Variants in DLGAP2 observed in about 807,000 individuals in gnomAD.
The protein encoded by DLGAP2 is disks large-associated protein 2.
DLGAP2 carries 26 observed loss-of-function variants against 100.3 expected under a neutral mutation model. The ratio of observed to expected loss-of-function variants is 0.26; its 90% confidence interval spans 0.19 to 0.36. DLGAP2 has a LOEUF of 0.36. DLGAP2 is among the 10% of genes least tolerant of loss of function. The pLI is 1.00. For synonymous variants in DLGAP2, 886 were observed against 630.1 expected (o/e 1.41, Z -6.08); for missense variants, 1,858 against 1,453.2 (o/e 1.28, Z -4.53).
At chr8:1,572,115 G>GA (rs1802733929) in intron 6 of DLGAP2, among the ~76,000 whole-genome samples, 1 of 131,864 alleles carries the variant, frequency 7.6e-6, no homozygotes, top group Non-Finnish European at 1.6e-5. Context: ...GGAGAGGAGA[G>GA]AGGGTGAACT....
At chr8:1,107,924 G>A (rs10109793) in intron 2 of DLGAP2, among the ~76,000 whole-genome samples, 40,449 of 152,026 alleles carry the variant, frequency 0.27, 6,422 homozygotes, top group Non-Finnish European at 0.37. Context: ...AGACCAGGAT[G>A]TGCACAGAAC....
chr8:754,266 G>C (rs1381522503), intron 1 of DLGAP2: 1 of 152,198 alleles, frequency 6.6e-6, no homozygotes, highest in Non-Finnish European at 1.5e-5. Context: ...CAACTCTGCC[G>C]AGTACTTCCC....
chr8:1,314,316 C>G lies in DLGAP2; in HGVS notation c.106+55433C>G, dbSNP rs149117416. 5.7e-3 allele frequency among the ~76,000 whole-genome samples: 872 copies of G among 152,274 alleles called. 6 individuals are homozygous for G. The highest frequency in any genetic ancestry group is 0.02 in the African/African-American group (844 of 41,546). On this transcript the variant is annotated intron_variant, in intron 3 of 14. Coordinates refer to ENST00000637795, the MANE Select transcript of DLGAP2 (RefSeq NM_001346810.2). ...GAGGTTTTCTTTGCACCTGGAATTC[C>G]AACTTCACACTGCAGCCAACTGAAG... is the stretch of plus-strand genomic sequence containing the variant.
At chr8:880,352 G>C (rs1797763896) in intron 1 of DLGAP2, among the ~76,000 whole-genome samples, 1 of 152,190 alleles carries the variant, frequency 6.6e-6, no homozygotes, top group African/African-American at 2.4e-5. Context: ...TCTCACATGA[G>C]ACACCATAAA....
intron 3 of DLGAP2, among the ~76,000 whole-genome samples, chr8:1,295,067 GGCAAACA>G (rs924757196): frequency 3.3e-5 from 5 of 152,110 alleles, no homozygotes; most frequent in African/African-American, 4.8e-5. Flanking sequence ...AATTTTAAAA[GGCAAACA>G]GCAAACAGGA....
rs1264310857 is a variant in DLGAP2, at chr8:1,633,026, C to G, written c.1790C>G (p.Ser597Cys). 1.2e-6 allele frequency: 2 copies of G among 1,613,966 alleles called. No homozygotes were observed. Among genetic ancestry groups the G allele is most frequent in the South Asian group, 1.1e-5 (1 of 91,072 alleles). ...ATGATGACACCCTCTGACATCACCT[C>G]CACCATCAGGTCAACAGCAGGTAAG... ...IPMMTPSDIT[S>C]TIRSTAAVSY... The change falls in exon 8 of 15, where the codon TCC becomes TGC. Residue 597 changes from serine (S) to cysteine (C), a missense_variant. Ser to Cys is a moderately radical substitution (Grantham distance 112). Coordinates refer to ENST00000637795, the MANE Select transcript of DLGAP2 (RefSeq NM_001346810.2).
chr8:1,522,362 G>A (rs1304511042), intron 4 of DLGAP2, among the ~76,000 whole-genome samples: 1 of 152,218 alleles, frequency 6.6e-6, no homozygotes, highest in Non-Finnish European at 1.5e-5. Flanking sequence ...GAGTGCATGG[G>A]GAAGCTGGCA....
rs4521789 is a variant in DLGAP2, at chr8:1,685,063, A to C, written c.2704+6434A>C. ...CTCCTTTTACAGCCAGAATGACCAC[A>C]AGTCCTATTAACACAAGAGCCGGGG... On this transcript the variant is annotated intron_variant, in intron 12 of 14. Transcript: ENST00000637795. Among the ~76,000 whole-genome samples, 161 of 152,230 alleles carry C rather than the reference A, an allele frequency of 1.1e-3. 4 individuals carry two copies. Among genetic ancestry groups the C allele is most frequent in the African/African-American group, 3.7e-3 (154 of 41,518 alleles).
At chr8:1,125,152 C>G (rs1173324677) in intron 2 of DLGAP2, among the ~76,000 whole-genome samples, 1 of 152,182 alleles carries the variant, frequency 6.6e-6, no homozygotes, top group East Asian at 1.9e-4. Context: ...TATTTCCCCG[C>G]TAGGATGCAT....
At chr8:1,372,671 C>T (rs111989814) in intron 3 of DLGAP2, among the ~76,000 whole-genome samples, 21 of 152,332 alleles carry the variant, frequency 1.4e-4, no homozygotes, top group African/African-American at 4.1e-4. Flanking sequence ...TCTCAATGCT[C>T]TTCAATAAGT....
chr8:1,172,965 T>TA (rs1797162188), intron 2 of DLGAP2, among the ~76,000 whole-genome samples: 1 of 152,232 alleles, frequency 6.6e-6, no homozygotes, highest in East Asian at 1.9e-4. Context: ...CTCTGCTTTT[T>TA]AGAGTTTCCA....
chr8:1,183,248 A>G (rs767853156), intron 2 of DLGAP2, among the ~76,000 whole-genome samples: 7 of 152,192 alleles, frequency 4.6e-5, no homozygotes, highest in African/African-American at 9.6e-5. Context: ...TGTGACAGAC[A>G]TGGAGGTTCA....
chr8:1,299,643 A>G (rs1317363986), intron 3 of DLGAP2, among the ~76,000 whole-genome samples: 3 of 152,152 alleles, frequency 2.0e-5, no homozygotes, highest in Non-Finnish European at 4.4e-5. Flanking sequence ...GTTGGCTGCA[A>G]ATTAGAAGCA....
intron 2 of DLGAP2, among the ~76,000 whole-genome samples, chr8:1,187,235 G>A (rs558109319): frequency 1.1e-4 from 17 of 151,620 alleles, no homozygotes; most frequent in African/African-American, 4.1e-4. Flanking sequence ...CCTCCGTGAC[G>A]TTTGCCTCAT....
At chr8:1,458,607 G>GT (rs1251821089) in intron 3 of DLGAP2, among the ~76,000 whole-genome samples, 8 of 152,182 alleles carry the variant, frequency 5.3e-5, no homozygotes, top group African/African-American at 1.7e-4. Context: ...TGTGTCTATG[G>GT]TTTTTTATCA....
chr8:907,497 C>G (rs1278753806), intron 1 of DLGAP2, among the ~76,000 whole-genome samples: 1 of 152,232 alleles, frequency 6.6e-6, no homozygotes, highest in African/African-American at 2.4e-5. Context: ...GAAGCTCAGA[C>G]TCTGGAAGAC....
intron 2 of DLGAP2, among the ~76,000 whole-genome samples, chr8:1,117,048 A>G (rs949367057): frequency 5.9e-5 from 9 of 152,238 alleles, no homozygotes; most frequent in African/African-American, 1.7e-4. Flanking sequence ...GCTTCTCTGC[A>G]GGATCCCAAA....
At chr8:1,675,198 T>A (rs1798783555) in intron 10 of DLGAP2, among the ~76,000 whole-genome samples, 1 of 152,240 alleles carries the variant, frequency 6.6e-6, no homozygotes, top group Non-Finnish European at 1.5e-5. Flanking sequence ...TCCGTTCCCC[T>A]GGATCCACGG....
At chr8:1,067,442 G>T (rs1803289884) in intron 2 of DLGAP2, among the ~76,000 whole-genome samples, 1 of 152,300 alleles carries the variant, frequency 6.6e-6, no homozygotes, top group South Asian at 2.1e-4. Flanking sequence ...TGGGAGGTCA[G>T]AGGCTTCCTG....
Sources: gnomAD v4.1 joint callset for allele counts (sites outside exome capture counted in the v4.1 genomes callset) on GRCh38, gnomAD v4.1.1 for gene constraint, MANE v1.5 for transcripts, NCBI Gene and HGNC (gene_info 2026-07-23, HGNC 2026-07-21) for gene names.